SIRPA: variants seen among roughly 807,000 people sequenced by gnomAD.
SIRPA encodes the protein tyrosine-protein phosphatase non-receptor type substrate 1.
SIRPA carries 9 observed loss-of-function variants against 50.3 expected under a neutral mutation model. The ratio of observed to expected loss-of-function variants is 0.18; its 90% CI spans 0.11 to 0.31. The LOEUF is 0.31. Among genes scored for constraint, SIRPA ranks in the 10% least tolerant of loss-of-function variants. The pLI is 1.00. For missense variants in SIRPA, 474 were observed against 661.6 expected (o/e 0.72, Z 3.11); for synonymous variants, 265 against 284.1 (o/e 0.93, Z 0.68).
At chr20:1,926,584 C>G (rs1434894261) in intron 5 of SIRPA, among the ~76,000 whole-genome samples, 3 of 152,222 alleles carry the variant, frequency 2.0e-5, no homozygotes, top group Middle Eastern at 3.2e-3. Flanking sequence ...GGCTAGTATC[C>G]CCCAGCAGTT....
chr20:1,914,203 AAGC>A (rs1489835036), intron 1 of SIRPA, among the ~76,000 whole-genome samples: 3 of 151,976 alleles, frequency 2.0e-5, no homozygotes, highest in African/African-American at 7.3e-5. Context: ...TTTCAGAACA[AAGC>A]AGAGGCCTGG....
intron 1 of SIRPA, among the ~76,000 whole-genome samples, chr20:1,910,664 A>G (rs1353761959): frequency 6.6e-6 from 1 of 152,236 alleles, no homozygotes; most frequent in Non-Finnish European, 1.5e-5. Context: ...ACGGTAACAT[A>G]CATCATTACA....
Position 1,898,001 on chromosome 20 carries a change from G to A in SIRPA, c.79+2475G>A, listed in dbSNP as rs991660800. On this transcript the variant is annotated intron_variant, in intron 1 of 7. Transcript: ENST00000358771. This position sits in a 1 kb window ranked among gnomAD's most constrained non-coding sequence, Gnocchi z 4.3. ...TGATTTTGTGTCAGCAGGGCCTGAC[G>A]CTGAACCCGCAGGATGCCTGCTTGG... Among the ~76,000 whole-genome samples the A allele has an allele frequency of 2.0e-5, 3 of 152,214 alleles. No homozygotes were observed. Among genetic ancestry groups the A allele is most frequent in the African/African-American group, 4.8e-5 (2 of 41,464 alleles).
At chr20:1,913,425 T>C (rs1985024156) in intron 1 of SIRPA, among the ~76,000 whole-genome samples, 1 of 152,188 alleles carries the variant, frequency 6.6e-6, no homozygotes, top group Admixed American at 6.5e-5. Flanking sequence ...GGCCATGGGT[T>C]GGTGGGCAAA....
chr20:1,904,465 G>A (rs1169578424), intron 1 of SIRPA, among the ~76,000 whole-genome samples: 2 of 152,124 alleles, frequency 1.3e-5, no homozygotes, highest in African/African-American at 4.8e-5. Flanking sequence ...ACAGAGGGAG[G>A]TGGAATCAGA....
chr20:1,930,297 C>G (rs1397060533), intron 6 of SIRPA, among the ~76,000 whole-genome samples: 3 of 152,244 alleles, frequency 2.0e-5, no homozygotes, highest in Non-Finnish European at 4.4e-5. Flanking sequence ...CAAGGTGTCT[C>G]TGCACCTGTC....
At position 1,927,724 on chromosome 20, in the gene SIRPA, G is replaced by C. The variant is rs1442919262; in HGVS notation, c.1202-151G>C. 2 of 713,070 alleles carry C rather than the reference G, an allele frequency of 2.8e-6. No homozygotes were observed. The highest frequency in any genetic ancestry group is 3.5e-5 in the African/African-American group (2 of 56,926). 44.2% of individuals were successfully genotyped at this position (713,070 alleles called of 1,614,324 possible). ...CCTTGGTGGAAGAGGATGCCCACTG[G>C]GTGGGCATGGGGGTCTCCTGTGGTT... On this transcript the variant is annotated intron_variant, in intron 5 of 7. Transcript: ENST00000358771. The surrounding 1 kb of genome is among the most constrained non-coding windows in gnomAD (Gnocchi z 6.5).
intron 1 of SIRPA, among the ~76,000 whole-genome samples, chr20:1,912,261 G>C (rs1464215794): frequency 6.6e-6 from 1 of 152,200 alleles, no homozygotes; most frequent in East Asian, 1.9e-4. Flanking sequence ...AGCCTCTCCT[G>C]CGCCTCCTGC....
At chr20:1,904,246 A>T (rs1447679926) in intron 1 of SIRPA, among the ~76,000 whole-genome samples, 1 of 152,114 alleles carries the variant, frequency 6.6e-6, no homozygotes, top group Non-Finnish European at 1.5e-5. Flanking sequence ...CGGCCAAGAA[A>T]CCCCGGAATT....
chr20:1,917,766 G>A (rs1037700729), intron 2 of SIRPA, among the ~76,000 whole-genome samples: 1 of 152,174 alleles, frequency 6.6e-6, no homozygotes, highest in Non-Finnish European at 1.5e-5. Context: ...GCATTTCCTG[G>A]TGGGTGCTTG....
chr20:1,915,664 C>A (rs1045594169), intron 2 of SIRPA, among the ~76,000 whole-genome samples: 3 of 152,238 alleles, frequency 2.0e-5, no homozygotes, highest in Admixed American at 1.3e-4. Context: ...GTGGGAACAT[C>A]TGCATCCTTC....
Position 1,920,168 on chromosome 20 carries a change from G to A in SIRPA, c.437-1227G>A, listed in dbSNP as rs1263958498. On this transcript the variant is annotated intron_variant, in intron 2 of 7. Transcript: ENST00000358771. ...ATGGAGTGAGGATTAAAGAGCTGACGGGCATGGAGGGAGCAGCCAGTGTCC... is the reference window on the plus strand; with the variant it reads ...ATGGAGTGAGGATTAAAGAGCTGACAGGCATGGAGGGAGCAGCCAGTGTCC... 2.6e-5 allele frequency among the ~76,000 whole-genome samples: 4 copies of A among 152,112 alleles called. No homozygotes were observed. In the East Asian group the frequency reaches 7.7e-4, roughly 29 times the overall value.
intron 2 of SIRPA, among the ~76,000 whole-genome samples, chr20:1,916,935 T>G (rs2123112819): frequency 6.6e-6 from 1 of 152,354 alleles, no homozygotes. Flanking sequence ...CCACAACCGC[T>G]GGACATAGGC....
chr20:1,904,781 G>C (rs114360250), intron 1 of SIRPA, among the ~76,000 whole-genome samples: 1 of 152,060 alleles, frequency 6.6e-6, no homozygotes, highest in Non-Finnish European at 1.5e-5. Context: ...GGCTTGGCTC[G>C]GCTCCTCTCT....
At position 1,903,686 on chromosome 20, in the gene SIRPA, C is replaced by T. The variant is rs375176088; in HGVS notation, c.79+8160C>T. Reference sequence around the variant, plus strand: ...ACCAGCTTCTTTCCCACCCGAGGGCCTTTGCACTGGCTGTCTCTTCTACGG... The same window carrying T: ...ACCAGCTTCTTTCCCACCCGAGGGCTTTTGCACTGGCTGTCTCTTCTACGG... On this transcript the variant is annotated intron_variant, in intron 1 of 7. Coordinates refer to ENST00000358771, the MANE Select transcript of SIRPA (RefSeq NM_001040023.2). 9.8e-5 allele frequency among the ~76,000 whole-genome samples: 15 copies of T among 152,320 alleles called. No individual in the cohort carries two copies. The East Asian group carries it at 2.3e-3, about 24-fold the overall frequency.
Position 1,898,575 on chromosome 20 carries a change from C to A in SIRPA, c.79+3049C>A, listed in dbSNP as rs964709576. Among the ~76,000 whole-genome samples, 5 of 152,102 alleles carry A rather than the reference C, an allele frequency of 3.3e-5. No homozygotes were observed. The highest frequency in any genetic ancestry group is 1.2e-4 in the African/African-American group (5 of 41,420). On this transcript the variant is annotated intron_variant, in intron 1 of 7. Transcript: ENST00000358771. The surrounding 1 kb of genome is among the most constrained non-coding windows in gnomAD (Gnocchi z 4.3). ...CAGATGCAGAAAATCGAGTCCCAAACTGGGGAACTAACTTATAAGTGATAG... is the reference window on the plus strand; with the variant it reads ...CAGATGCAGAAAATCGAGTCCCAAAATGGGGAACTAACTTATAAGTGATAG...
rs1261257910 is a variant in SIRPA, at chr20:1,924,252, G to C, written c.1088-512G>C. Reference sequence around the variant, plus strand: ...TGCTGTGGGCAGTCAAGCCTCCATTGTATTTTCAAGAGTCCTGGTTCAGAG... The same window carrying C: ...TGCTGTGGGCAGTCAAGCCTCCATTCTATTTTCAAGAGTCCTGGTTCAGAG... On this transcript the variant is annotated intron_variant, in intron 4 of 7. Coordinates refer to ENST00000358771, the MANE Select transcript of SIRPA (RefSeq NM_001040023.2). The surrounding 1 kb of genome is among the most constrained non-coding windows in gnomAD (Gnocchi z 4.5). Among the ~76,000 whole-genome samples, 1 of 152,190 alleles carries C rather than the reference G, an allele frequency of 6.6e-6. No homozygotes were observed. Among genetic ancestry groups the C allele is most frequent in the Non-Finnish European group, 1.5e-5 (1 of 68,032 alleles).
chr20:1,915,307 C>T lies in SIRPA; in HGVS notation c.288C>T (p.Leu96=), dbSNP rs765327492. 1.9e-6 allele frequency: 3 copies of T among 1,613,146 alleles called. No individual in the cohort carries two copies. Among genetic ancestry groups the T allele is most frequent in the Non-Finnish European group, 2.5e-6 (3 of 1,179,662 alleles). ...CCCGGGTAACAACTGTTTCAGACCTCACAAAGAGAAACAACATGGACTTTT... is the reference window on the plus strand; with the variant it reads ...CCCGGGTAACAACTGTTTCAGACCTTACAAAGAGAAACAACATGGACTTTT... ...HFPRVTTVSD[L]TKRNNMDFSI... Residue 96 remains leucine, a synonymous_variant, in exon 2 of 8, where the codon CTC becomes CTT. Transcript: ENST00000358771.
chr20:1,915,541 TG>T, intron 2 of SIRPA, 86 bp downstream of exon 2: 19 of 1,502,548 alleles, frequency 1.3e-5, no homozygotes, highest in Non-Finnish European at 1.7e-5. Flanking sequence ...AATGATCAGG[TG>T]TGGTGGTAGG....
Sources: gnomAD v4.1 joint callset for allele counts (sites outside exome capture counted in the v4.1 genomes callset) on GRCh38, gnomAD v4.1.1 for gene constraint, Gnocchi (gnomAD v3.1) non-coding constraint, MANE v1.5 for transcripts, NCBI Gene and HGNC (gene_info 2026-07-23, HGNC 2026-07-21) for gene names.